Variants in EPB42 observed in about 807,000 individuals in gnomAD.
The protein encoded by EPB42 is protein 4.2.
Under a neutral mutation model 76.9 loss-of-function variants are expected in EPB42, and 49 were observed. The ratio of observed to expected loss-of-function variants is 0.64; its 90% confidence interval spans 0.51 to 0.81. The LOEUF (loss-of-function observed/expected upper bound fraction) is 0.81, where lower values mean the gene tolerates loss of function less well. EPB42 is among the 30% of genes least tolerant of loss of function. The pLI is 0.00. For missense variants in EPB42, 731 were observed against 867.6 expected (o/e 0.84, Z 1.98); for synonymous variants, 310 against 338.4 (o/e 0.92, Z 0.92).
chr15:43,199,992 A>G (rs2042103567), intron 12 of EPB42, among the ~76,000 whole-genome samples: 1 of 152,188 alleles, frequency 6.6e-6, no homozygotes, highest in Admixed American at 6.5e-5. Context: ...AGCCTTGGGT[A>G]TGTCTTTATC....
chr15:43,199,324 C>A (rs2042094203), intron 12 of EPB42, among the ~76,000 whole-genome samples: 1 of 152,204 alleles, frequency 6.6e-6, no homozygotes, highest in South Asian at 2.1e-4. Flanking sequence ...CCATGGGAAC[C>A]CACCTCTTGC....
At position 43,211,550 on chromosome 15, in the gene EPB42, T is replaced by G. The variant is rs1216111535; in HGVS notation, c.431-16A>C. The G allele has an allele frequency of 6.4e-7, 1 of 1,556,876 alleles. No homozygotes were observed. The highest frequency in any genetic ancestry group is 1.4e-5 in the African/African-American group (1 of 73,808). On this transcript the variant is annotated splice_polypyrimidine_tract_variant and intron_variant, in intron 3 of 12. Transcript: ENST00000441366. ...ACAGCATCCTCTGGTGAGAGGTGGG[T>G]AGGGATGAGGGCCTGTGGGGGTCCT...
upstream of EPB42, chr15:43,221,086 C>A (rs192614362): frequency 6.7e-4 from 343 of 508,686 alleles, 8 homozygotes; most frequent in East Asian, 0.012. Context: ...ATCTCTTGTG[C>A]CAGGAGGCCC....
At position 43,208,684 on chromosome 15, in the gene EPB42, A is replaced by G. The variant is rs2042244482; in HGVS notation, c.924T>C (p.Tyr308=). ...CTCCGTTCTGAAGTCCCTCCTCATTATAGTATTCATCTATGAGAAGACGCC... is the reference window on the plus strand; with the variant it reads ...CTCCGTTCTGAAGTCCCTCCTCATTGTAGTATTCATCTATGAGAAGACGCC... ...TGGRLLIDEY[Y]NEEGLQNGEG... Residue 308 remains tyrosine (Y), a synonymous_variant, in exon 7 of 13, where the codon TAT becomes TAC. Coordinates refer to ENST00000441366, the MANE Select transcript of EPB42 (RefSeq NM_001114134.2). 1.9e-6 allele frequency: 3 copies of G among 1,614,078 alleles called. No individual in the cohort carries two copies. The highest frequency in any genetic ancestry group is 1.7e-5 in the Admixed American group (1 of 60,012).
At chr15:43,202,684 G>A (rs1000000558) in intron 11 of EPB42, among the ~76,000 whole-genome samples, 23 of 152,194 alleles carry the variant, frequency 1.5e-4, no homozygotes, top group African/African-American at 5.5e-4. Context: ...TGGACCAAGA[G>A]CCATAAGCCT....
intron 12 of EPB42, among the ~76,000 whole-genome samples, chr15:43,200,862 T>G (rs1351012642): frequency 2.0e-5 from 3 of 150,998 alleles, no homozygotes; most frequent in Admixed American, 1.3e-4. Context: ...TCACCCGGGC[T>G]GGACTGCAGT....
At chr15:43,205,550 C>G (rs2042189839) in intron 10 of EPB42, among the ~76,000 whole-genome samples, 1 of 152,118 alleles carries the variant, frequency 6.6e-6, no homozygotes, top group African/African-American at 2.4e-5. Context: ...CAGTTGTGTG[C>G]CACCAAGCCT....
intron 1 of EPB42, among the ~76,000 whole-genome samples, chr15:43,220,043 C>T (rs893589928): frequency 2.6e-5 from 4 of 151,978 alleles, no homozygotes; most frequent in African/African-American, 9.7e-5. Context: ...CTTTTTCTTC[C>T]CTTCTCAGCT....
rs527766162 is a variant in EPB42, at chr15:43,210,584, C to G, written c.550-145G>C. The G allele has an allele frequency of 1.7e-5, 13 of 763,824 alleles. No homozygotes were observed. In the South Asian group the frequency reaches 1.9e-4, roughly 11 times the overall value. 47.3% of individuals were successfully genotyped at this position (763,824 alleles called of 1,614,324 possible). ...CGCACTCCACACCTGCCTCCCTTGC[C>G]TCATCCCTCTGAGGAGCTCTGGCTC... On this transcript the variant is annotated intron_variant, in intron 4 of 12. Transcript: ENST00000441366.
Position 43,208,215 on chromosome 15 carries a change from A to AC in EPB42, c.1075+14dup. ...TGCAGCCCTGCGTGGTCCTGGACCC[A>AC]CCCCTAGGCTTTACCTCCACCTCCA... is the stretch of plus-strand genomic sequence containing the variant. On this transcript the variant is annotated intron_variant, in intron 8 of 12. Coordinates refer to ENST00000441366, the MANE Select transcript of EPB42 (RefSeq NM_001114134.2). The AC allele has an allele frequency of 2.5e-6, 4 of 1,612,104 alleles. No homozygotes were observed. The highest frequency in any genetic ancestry group is 3.4e-6 in the Non-Finnish European group (4 of 1,178,838).
intron 12 of EPB42, among the ~76,000 whole-genome samples, chr15:43,200,568 CAT>C (rs953305439): frequency 5.9e-5 from 9 of 152,102 alleles, no homozygotes; most frequent in Non-Finnish European, 1.2e-4. Context: ...GGCTAACAAA[CAT>C]ATGAAGAGTT....
rs900519045 is a variant in EPB42 at position 43,216,510 on chromosome 15, A to C, written c.11-57T>G. 1.2e-5 allele frequency: 19 copies of C among 1,581,824 alleles called. No homozygotes were observed. The African/African-American group carries it at 2.3e-4, about 19-fold the overall frequency. ...TAAGTACATGTGACAATGTAAGTACAAGCAGAGATTCTGGAGTCAGAGAGA... is the reference window on the plus strand; with the variant it reads ...TAAGTACATGTGACAATGTAAGTACCAGCAGAGATTCTGGAGTCAGAGAGA... On this transcript the variant is annotated intron_variant, in intron 1 of 12. Coordinates refer to ENST00000441366, the MANE Select transcript of EPB42 (RefSeq NM_001114134.2).
Position 43,206,125 on chromosome 15 carries a change from C to T in EPB42, c.1618+205G>A, listed in dbSNP as rs1301095738. The T allele has an allele frequency of 1.8e-6, 1 of 567,466 alleles. No individual in the cohort carries two copies. Among genetic ancestry groups the T allele is most frequent in the Non-Finnish European group, 3.1e-6 (1 of 325,266 alleles). The allele number at this position is 567,466 out of a possible 1,614,324, so 35.2% of individuals were successfully genotyped here. Reference sequence around the variant, plus strand: ...AAGGGTCTGTTTACTTATCTGACTGCAGTTGGCATCGTGTTTTTTTCCTGC... The same window carrying T: ...AAGGGTCTGTTTACTTATCTGACTGTAGTTGGCATCGTGTTTTTTTCCTGC... On this transcript the variant is annotated intron_variant, in intron 10 of 12. Coordinates refer to ENST00000441366, the MANE Select transcript of EPB42 (RefSeq NM_001114134.2). The surrounding 1 kb of genome is among the most constrained non-coding windows in gnomAD (Gnocchi z 4.7).
In EPB42 at chr15:43,207,246, C is replaced by T. The variant is rs2042218613; in HGVS notation, c.1271G>A (p.Gly424Asp). The T allele has an allele frequency of 1.2e-6, 2 of 1,614,214 alleles. No individual in the cohort carries two copies. Among genetic ancestry groups the T allele is most frequent in the Non-Finnish European group, 1.7e-6 (2 of 1,180,038 alleles). The change falls in exon 9 of 13, where the codon GGC becomes GAC. Residue 424 changes from glycine (G) to aspartate (D), a missense_variant. Coordinates refer to ENST00000441366, the MANE Select transcript of EPB42 (RefSeq NM_001114134.2). ...AGTGATGTCCTCGCAGCGGTCACTG[C>T]CCACACCCTTGGTGCTGATGTTGTT... The part of the protein sequence containing the change: ...VGNNISTKGV[G>D]SDRCEDITQN...
At chr15:43,210,313 G>T in intron 5 of EPB42, 22 bp downstream of exon 5, 1 of 1,608,522 alleles carries the variant, frequency 6.2e-7, no homozygotes, top group South Asian at 1.1e-5. Context: ...GCCCCATTCT[G>T]GTTCCCCAGC....
Position 43,197,403 on chromosome 15 carries a change from CAT to C in EPB42, c.1973_1974del (p.His658ArgfsTer22), listed in dbSNP as rs773340166. 1.7e-5 allele frequency: 27 copies of C among 1,614,068 alleles called. No homozygotes were observed. In the East Asian group the frequency reaches 4.0e-4, roughly 24 times the overall value. On this transcript the variant is annotated frameshift_variant, in exon 13 of 13. Transcript: ENST00000441366. LOFTEE classifies it high-confidence loss of function. ...MCAKFQFTPT[H>X]VGLQRLTVEV... ...TCCACAGTGAGTCTCTGGAGCCCCA[CAT>C]GTGTTGGCGTGAACTGGAACTTGGC...
At chr15:43,224,460 C>T (rs1247334778), upstream of EPB42, among the ~76,000 whole-genome samples, 1 of 151,934 alleles carries the variant, frequency 6.6e-6, no homozygotes, top group Non-Finnish European at 1.5e-5. Flanking sequence ...ATGGATTAGC[C>T]ATTCTTTATT....
At position 43,207,186 on chromosome 15, in the gene EPB42, C is replaced by A. The variant is rs755414912; in HGVS notation, c.1318+13G>T. On this transcript the variant is annotated intron_variant, in intron 9 of 12. Coordinates refer to ENST00000441366, the MANE Select transcript of EPB42 (RefSeq NM_001114134.2). ...AGGTACCGAGAAGCCTGGGGCCCTT[C>A]CCTGGCCCGTACCTTCAGGATACTT... The A allele has an allele frequency of 6.2e-7, 1 of 1,614,056 alleles. No individual in the cohort carries two copies. Among genetic ancestry groups the A allele is most frequent in the South Asian group, 1.1e-5 (1 of 91,056 alleles).
rs2142288697 is a variant in EPB42 at position 43,208,215 on chromosome 15, A to C, written c.1075+15T>G. The C allele has an allele frequency of 1.2e-6, 2 of 1,612,104 alleles. No individual in the cohort carries two copies. The highest frequency in any genetic ancestry group is 1.7e-6 in the Non-Finnish European group (2 of 1,178,838). ...TGCAGCCCTGCGTGGTCCTGGACCC[A>C]CCCCTAGGCTTTACCTCCACCTCCA... On this transcript the variant is annotated intron_variant, in intron 8 of 12. Transcript: ENST00000441366.
Sources: gnomAD v4.1 joint callset for allele counts (sites outside exome capture counted in the v4.1 genomes callset) on GRCh38, gnomAD v4.1.1 for gene constraint, Gnocchi (gnomAD v3.1) non-coding constraint, MANE v1.5 for transcripts, NCBI Gene and HGNC (gene_info 2026-07-23, HGNC 2026-07-21) for gene names.